CDH1: variants seen among roughly 807,000 people sequenced by gnomAD.
The protein encoded by CDH1 is cadherin 1.
Under a neutral mutation model 84.5 loss-of-function variants are expected in CDH1, and 35 were observed. The ratio of observed to expected loss-of-function variants is 0.41; its 90% CI spans 0.32 to 0.55. The LOEUF is 0.55. Among genes scored for constraint, CDH1 ranks in the 20% least tolerant of loss-of-function variants. The probability of loss-of-function intolerance (pLI) is 0.19; values close to 1 mark genes in which losing one functional copy is unlikely to be tolerated. For missense variants in CDH1, 994 were observed against 1,126.6 expected (o/e 0.88, Z 1.68); for synonymous variants, 417 against 439.0 (o/e 0.95, Z 0.63).
chr16:68,755,879 T>G (rs747101898), intron 2 of CDH1, among the ~76,000 whole-genome samples: 2 of 150,672 alleles, frequency 1.3e-5, no homozygotes, highest in Non-Finnish European at 3.0e-5. Flanking sequence ...TTCTCCCACC[T>G]CAGCCTCCGG....
Position 68,804,102 on chromosome 16 carries a change from C to CTTTTTT in CDH1, c.387+2233_387+2238dup, listed in dbSNP as rs10563852. ...ATTCATTACTTAGTTATCTGTCTGC[C>CTTTTTT]TTTTTTTTTTTTTTTTTTTTTTTTT... On this transcript the variant is annotated intron_variant, in intron 3 of 15. Transcript: ENST00000261769. 1.5e-4 allele frequency among the ~76,000 whole-genome samples: 11 copies of CTTTTTT among 75,092 alleles called. 1 individual carries two copies. Among genetic ancestry groups the CTTTTTT allele is most frequent in the African/African-American group, 3.9e-4 (8 of 20,524 alleles). 49.3% of individuals were successfully genotyped at this position (75,092 alleles called of 152,430 possible). A position where few individuals can be genotyped will look rare whatever the true frequency, so the allele number is the denominator to read the frequency against.
chr16:68,763,990 C>T (rs9928847), intron 2 of CDH1, among the ~76,000 whole-genome samples: 45,137 of 151,996 alleles, frequency 0.3, 6,796 homozygotes, highest in Middle Eastern at 0.34. Flanking sequence ...GGGGGGATGG[C>T]GGACACATGG....
chr16:68,815,797 G>T, intron 10 of CDH1, 38 bp downstream of exon 10: 1 of 1,610,858 alleles, frequency 6.2e-7, no homozygotes, highest in Non-Finnish European at 8.5e-7. Context: ...TGCAGCAACT[G>T]GTTATTTTAT....
At position 68,783,304 on chromosome 16, in the gene CDH1, C is replaced by T. The variant is rs529507497; in HGVS notation, c.164-18366C>T. On this transcript the variant is annotated intron_variant, in intron 2 of 15. Coordinates refer to ENST00000261769, the MANE Select transcript of CDH1 (RefSeq NM_004360.5). ...CCCAGCTACTCAGGAGGCTGAGGCA[C>T]GAGAATCGCTTGAACCCAGGAGGTG... 4.1e-5 allele frequency among the ~76,000 whole-genome samples: 6 copies of T among 147,846 alleles called. No individual in the cohort carries two copies. The South Asian group carries it at 1.1e-3, about 26-fold the overall frequency.
intron 2 of CDH1, among the ~76,000 whole-genome samples, chr16:68,795,460 C>T (rs546872893): frequency 1.3e-5 from 2 of 152,292 alleles, no homozygotes; most frequent in South Asian, 4.1e-4. Flanking sequence ...AGGTATGAGC[C>T]ACCATGCCTG....
intron 2 of CDH1, among the ~76,000 whole-genome samples, chr16:68,786,462 A>ACCTGAC (rs1195448222): frequency 7.0e-6 from 1 of 143,230 alleles, no homozygotes; most frequent in Admixed American, 7.1e-5. Flanking sequence ...TTGAGCCTGC[A>ACCTGAC]CCTGACCCTA....
intron 2 of CDH1, among the ~76,000 whole-genome samples, chr16:68,794,415 G>A (rs1960299082): frequency 6.6e-6 from 1 of 152,136 alleles, no homozygotes; most frequent in African/African-American, 2.4e-5. Context: ...AGTGTTCCTG[G>A]TGGAACTTGA....
chr16:68,832,188 C>A (rs962837992), intron 15 of CDH1, among the ~76,000 whole-genome samples: 5 of 151,926 alleles, frequency 3.3e-5, no homozygotes, highest in Non-Finnish European at 7.4e-5. Flanking sequence ...GGGCTAAATA[C>A]CTGGGTGATG....
At chr16:68,799,735 C>T (rs977416790) in intron 2 of CDH1, among the ~76,000 whole-genome samples, 4 of 151,800 alleles carry the variant, frequency 2.6e-5, no homozygotes, top group Admixed American at 6.6e-5. Context: ...AGGTTGGGGC[C>T]GGGTGTGGTG....
intron 9 of CDH1, among the ~76,000 whole-genome samples, chr16:68,815,116 A>G (rs562716507): frequency 6.6e-6 from 1 of 152,064 alleles, no homozygotes; most frequent in Non-Finnish European, 1.5e-5. Context: ...AATCCCAGCT[A>G]CTAGGGAGGC....
intron 2 of CDH1, among the ~76,000 whole-genome samples, chr16:68,744,888 T>G (rs531389294): frequency 6.6e-6 from 1 of 152,272 alleles, no homozygotes; most frequent in Admixed American, 6.5e-5. Flanking sequence ...CTGCGCTCCC[T>G]CTCACCCAGC....
rs573477536 is a variant in CDH1 at position 68,796,634 on chromosome 16, G to C, written c.164-5036G>C. On this transcript the variant is annotated intron_variant, in intron 2 of 15. Transcript: ENST00000261769. ...TTTGAACATCAGTCATCTCTCTTGG[G>C]GTCCTCTCTTGAAAGCTACTTTTGC... Among the ~76,000 whole-genome samples, 20 of 152,158 alleles carry C rather than the reference G, an allele frequency of 1.3e-4. No homozygotes were observed. The South Asian group carries it at 4.2e-3, about 32-fold the overall frequency.
At chr16:68,801,278 A>AT (rs941448745) in intron 2 of CDH1, among the ~76,000 whole-genome samples, 14 of 150,988 alleles carry the variant, frequency 9.3e-5, no homozygotes, top group Admixed American at 5.3e-4. Context: ...AACCTGGCTA[A>AT]TTTTTTTTTG....
chr16:68,756,710 G>A (rs1037439152), intron 2 of CDH1, among the ~76,000 whole-genome samples: 5 of 152,170 alleles, frequency 3.3e-5, no homozygotes, highest in Admixed American at 1.3e-4. Context: ...TCTCAAGTCT[G>A]CATTTAAAAA....
chr16:68,775,271 C>A (rs564092844), intron 2 of CDH1, among the ~76,000 whole-genome samples: 1 of 152,126 alleles, frequency 6.6e-6, no homozygotes, highest in Non-Finnish European at 1.5e-5. Flanking sequence ...CATGTTTCAC[C>A]CCTAAATACT....
chr16:68,776,540 G>A (rs1365977062), intron 2 of CDH1, among the ~76,000 whole-genome samples: 1 of 151,980 alleles, frequency 6.6e-6, no homozygotes, highest in Non-Finnish European at 1.5e-5. Context: ...TTTTTAAATA[G>A]TATGTTTTGT....
chr16:68,753,582 C>T (rs866688926), intron 2 of CDH1, among the ~76,000 whole-genome samples: 1 of 151,942 alleles, frequency 6.6e-6, no homozygotes, highest in Non-Finnish European at 1.5e-5. Flanking sequence ...CGTGATCTGC[C>T]CTCCTCGGCC....
intron 15 of CDH1, among the ~76,000 whole-genome samples, chr16:68,831,749 G>C (rs1011444284): frequency 4.6e-5 from 7 of 150,826 alleles, no homozygotes; most frequent in Admixed American, 3.3e-4. Context: ...ATATTGGCTA[G>C]TCTGGTCTCA....
intron 3 of CDH1, among the ~76,000 whole-genome samples, chr16:68,803,642 C>T (rs71395881): frequency 3.8e-4 from 58 of 152,050 alleles, no homozygotes; most frequent in Non-Finnish European, 6.6e-4. Context: ...GTGATCTGCC[C>T]ACCTCAGCCT....
Sources: allele counts gnomAD v4.1 joint callset (sites outside exome capture counted in the v4.1 genomes callset), GRCh38; gene constraint gnomAD v4.1.1; transcripts MANE v1.5; gene names NCBI Gene and HGNC (gene_info 2026-07-23, HGNC 2026-07-21).